The following CD300A variants were observed in gnomAD, a reference collection of about 807,000 sequenced individuals.
CD300A encodes the protein CD300a molecule.
CD300A carries 22 observed loss-of-function variants against 33.6 expected under a neutral mutation model. The ratio of observed to expected loss-of-function variants is 0.66; its 90% CI spans 0.47 to 0.94. The LOEUF is 0.94. Ranked by LOEUF, CD300A falls within the 40% of genes least tolerant of loss-of-function variation. The pLI, the probability that CD300A is intolerant of heterozygous loss-of-function variation, is 0.00. For missense variants in CD300A, 326 were observed against 360.5 expected, an observed-to-expected ratio of 0.90 and a Z score of 0.77; for synonymous variants, 136 against 148.1, an observed-to-expected ratio of 0.92 and a Z score of 0.59.
rs560953559 is a variant in CD300A at position 74,469,165 on chromosome 17, G to T, written c.40+2422G>T. On this transcript the variant is annotated intron_variant, in intron 1 of 6. Transcript: ENST00000360141. ...TAGCTTGTAAAACTGTCTGAGTTTT[G>T]CTTCTTTTTTTTTGATGGAAGGGAA... Among the ~76,000 whole-genome samples the T allele has an allele frequency of 6.3e-4, 95 of 151,888 alleles. 1 individual carries two copies. Among genetic ancestry groups the T allele is most frequent in the Admixed American group, 4.5e-3 (68 of 15,246 alleles).
At chr17:74,470,640 A>G (rs979326426) in intron 1 of CD300A, among the ~76,000 whole-genome samples, 1 of 148,280 alleles carries the variant, frequency 6.7e-6, no homozygotes, top group Non-Finnish European at 1.5e-5. Context: ...GAGGGCTGGG[A>G]ACTGACAGTT....
At chr17:74,466,985 T>C in intron 1 of CD300A, 1 of 1,402,456 alleles carries the variant, frequency 7.1e-7, no homozygotes, top group Admixed American at 3.0e-5. Flanking sequence ...GCGGGGCAAG[T>C]GATAAGGGGT....
upstream of CD300A, chr17:74,466,577 A>G: frequency 9.1e-7 from 1 of 1,100,244 alleles, no homozygotes; most frequent in Middle Eastern, 2.0e-4. Context: ...AACCAAAAGA[A>G]GCTGAACAAG....
In CD300A at chr17:74,480,376, C is replaced by T. The variant is rs1598107567; in HGVS notation, c.629-913C>T. On this transcript the variant is annotated intron_variant, in intron 4 of 6. Coordinates refer to ENST00000360141, the MANE Select transcript of CD300A (RefSeq NM_007261.4). This position sits in a 1 kb window ranked among gnomAD's most constrained non-coding sequence, Gnocchi z 4.2. Reference sequence around the variant, plus strand: ...AGCAGCGTGTGTGTCACCCGCTGCCCACGTGGTCCGGGCTCCTGGGGTGAA... The same window carrying T: ...AGCAGCGTGTGTGTCACCCGCTGCCTACGTGGTCCGGGCTCCTGGGGTGAA... Among the ~76,000 whole-genome samples, 1 of 152,162 alleles carries T rather than the reference C, an allele frequency of 6.6e-6. No individual in the cohort carries two copies.
At position 74,473,809 on chromosome 17, in the gene CD300A, T is replaced by C. The variant is rs767562719; in HGVS notation, c.314T>C (p.Val105Ala). The C allele has an allele frequency of 6.2e-7, 1 of 1,614,054 alleles. No homozygotes were observed. The highest frequency in any genetic ancestry group is 8.5e-7 in the Non-Finnish European group (1 of 1,179,968). ...EEDAGTYWCG[V>A]DTPWLRDFHD... ...GATGCAGGCACCTACTGGTGTGGGGTGGATACACCATGGCTCCGAGACTTT... is the reference window on the plus strand; with the variant it reads ...GATGCAGGCACCTACTGGTGTGGGGCGGATACACCATGGCTCCGAGACTTT... The change falls in exon 2 of 7, where the codon GTG (valine) becomes GCG (alanine). Residue 105 changes from valine (V) to alanine (A), a missense_variant. Transcript: ENST00000360141.
intron 1 of CD300A, 131 bp downstream of exon 1, chr17:74,466,874 G>A: frequency 2.6e-6 from 4 of 1,522,400 alleles, no homozygotes; most frequent in Non-Finnish European, 3.5e-6. Context: ...GGTGCGCTCT[G>A]TCTACCACAT....
At chr17:74,472,227 G>A (rs1161871565) in intron 1 of CD300A, among the ~76,000 whole-genome samples, 1 of 135,134 alleles carries the variant, frequency 7.4e-6, no homozygotes, top group Non-Finnish European at 1.5e-5. Flanking sequence ...AACAGAGCAA[G>A]ACTCCATCTC....
rs189262095 is a variant in CD300A, at chr17:74,470,761, G to A, written c.41-2775G>A. Among the ~76,000 whole-genome samples the A allele has an allele frequency of 1.8e-3, 275 of 150,584 alleles. 3 individuals carry two copies. Among genetic ancestry groups the A allele is most frequent in the African/African-American group, 6.3e-3 (258 of 40,892 alleles). ...CCTCCTGGACTCAAGTGATCCTCCC[G>A]CCTCAGCCTCCTGAGTAGCTGGGAA... On this transcript the variant is annotated intron_variant, in intron 1 of 6. Coordinates refer to ENST00000360141, the MANE Select transcript of CD300A (RefSeq NM_007261.4).
chr17:74,473,456 G>T, intron 1 of CD300A, 80 bp from the exon 2 acceptor site: 2 of 1,355,914 alleles, frequency 1.5e-6, no homozygotes, highest in Non-Finnish European at 2.0e-6. Flanking sequence ...CACCCCCAGG[G>T]TCCATGCGGC....
At chr17:74,473,283 G>A (rs778960727) in intron 1 of CD300A, among the ~76,000 whole-genome samples, 6 of 152,158 alleles carry the variant, frequency 3.9e-5, no homozygotes, top group Middle Eastern at 6.8e-3. Context: ...ATGTGGAGTC[G>A]GGGAATCTTT....
chr17:74,475,335 A>G (rs1444781691), intron 3 of CD300A, among the ~76,000 whole-genome samples: 1 of 152,178 alleles, frequency 6.6e-6, no homozygotes, highest in East Asian at 1.9e-4. Context: ...GGGAGCTACA[A>G]TTCAAGATGA....
At chr17:74,479,127 C>A (rs939772298) in intron 4 of CD300A, among the ~76,000 whole-genome samples, 39 of 152,328 alleles carry the variant, frequency 2.6e-4, no homozygotes, top group African/African-American at 8.7e-4. Context: ...AATCCCCCAT[C>A]ATCGATGATA....
chr17:74,475,750 G>C (rs946149068), intron 3 of CD300A, among the ~76,000 whole-genome samples: 3 of 152,132 alleles, frequency 2.0e-5, no homozygotes, highest in African/African-American at 7.2e-5. Context: ...CCCTGATTTA[G>C]ATGCCAGTCG....
intron 6 of CD300A, among the ~76,000 whole-genome samples, chr17:74,483,336 C>CA (rs1907038615): frequency 6.7e-6 from 1 of 149,394 alleles, no homozygotes; most frequent in South Asian, 2.2e-4. Context: ...GAGAACTTTC[C>CA]TTTTTTTTTC....
chr17:74,481,580 A>G (rs1242186392), intron 5 of CD300A, 146 bp from the exon 6 acceptor site: 2 of 681,020 alleles, frequency 2.9e-6, no homozygotes, highest in South Asian at 1.8e-5. Context: ...ACATTAAACT[A>G]CTGGACGGAG....
Position 74,474,538 on chromosome 17 carries a change from C to A in CD300A, c.386C>A (p.Thr129Lys), listed in dbSNP as rs750498629. 1.9e-6 allele frequency: 3 copies of A among 1,613,934 alleles called. No homozygotes were observed. The highest frequency in any genetic ancestry group is 2.5e-6 in the Non-Finnish European group (3 of 1,179,892). ...EVEVSVFPAS[T>K]SMTPASITAA... is the part of the protein sequence containing the mutation. ...CTTGTGGTTTTGCCACCAGCATCAA[C>A]GTCAATGACACCTGCAAGTATCACT... is the stretch of plus-strand genomic sequence containing the variant. Residue 129 changes from threonine (T) to lysine (K), a missense_variant, in exon 3 of 7, where the codon ACG (threonine) becomes AAG (lysine). Thr to Lys is a moderately conservative substitution (Grantham distance 78). Coordinates refer to ENST00000360141, the MANE Select transcript of CD300A (RefSeq NM_007261.4).
chr17:74,484,061 A>T lies in CD300A; in HGVS notation c.835A>T (p.Ile279Leu), dbSNP rs377143510. Residue 279 changes from isoleucine to leucine, a missense_variant, in exon 7 of 7, where the codon ATA (isoleucine) becomes TTA (leucine). Ile to Leu is a conservative substitution (Grantham distance 5, BLOSUM62 2). Transcript: ENST00000360141. ...SVVFDSNTNRIAAQRPREEEP... is the reference protein window; with the variant it reads ...SVVFDSNTNRLAAQRPREEEP... Reference sequence around the variant, plus strand: ...GGTGTTTGATTCTAACACCAACAGGATAGCTGCTCAGAGGCCTCGGGAGGA... The same window carrying T: ...GGTGTTTGATTCTAACACCAACAGGTTAGCTGCTCAGAGGCCTCGGGAGGA... 3.3e-5 allele frequency: 53 copies of T among 1,614,040 alleles called. No individual in the cohort carries two copies. The highest frequency in any genetic ancestry group is 4.3e-5 in the Non-Finnish European group (51 of 1,179,944).
intron 4 of CD300A, among the ~76,000 whole-genome samples, chr17:74,478,371 T>G (rs1014190257): frequency 6.6e-6 from 1 of 152,196 alleles, no homozygotes; most frequent in Non-Finnish European, 1.5e-5. Flanking sequence ...ATTTGTCAAA[T>G]TAATGTGTTA....
chr17:74,473,977 C>G (rs966947653), intron 2 of CD300A, 103 bp downstream of exon 2: 2 of 1,271,382 alleles, frequency 1.6e-6, no homozygotes, highest in East Asian at 4.9e-5. Context: ...TGTGTGTGTG[C>G]GTAAGAGAGA....
Sources: gnomAD v4.1 joint callset for allele counts (sites outside exome capture counted in the v4.1 genomes callset) on GRCh38, gnomAD v4.1.1 for gene constraint, Gnocchi (gnomAD v3.1) non-coding constraint, MANE v1.5 for transcripts, NCBI Gene and HGNC (gene_info 2026-07-23, HGNC 2026-07-21) for gene names.